ABAT: variants seen among roughly 807,000 people sequenced by gnomAD.
The protein encoded by ABAT is 4-aminobutyrate aminotransferase, mitochondrial.
In ABAT, 45 loss-of-function variants were observed where a neutral mutation model predicts 64.6. That is an observed-to-expected ratio of 0.70 (90% confidence interval 0.55 to 0.89). The LOEUF is 0.89. ABAT is among the 40% of genes least tolerant of loss of function. The pLI, the probability that ABAT is intolerant of heterozygous loss-of-function variation, is 0.00. For synonymous variants in ABAT, 297 were observed against 250.5 expected (o/e 1.19, Z -1.75); for missense variants, 633 against 658.4 (o/e 0.96, Z 0.42).
intron 5 of ABAT, among the ~76,000 whole-genome samples, chr16:8,756,985 G>A (rs1395320609): frequency 2.0e-5 from 3 of 152,138 alleles, no homozygotes; most frequent in Non-Finnish European, 4.4e-5. Flanking sequence ...AGGCATGCGG[G>A]TCACAGATTG....
chr16:8,735,457 G>A (rs909240322), intron 1 of ABAT, among the ~76,000 whole-genome samples: 2 of 152,100 alleles, frequency 1.3e-5, no homozygotes, highest in Non-Finnish European at 2.9e-5. Context: ...TTGCTATGCT[G>A]CCCAGACTAG....
At chr16:8,719,764 A>C (rs1186595384) in intron 1 of ABAT, among the ~76,000 whole-genome samples, 1 of 152,168 alleles carries the variant, frequency 6.6e-6, no homozygotes, top group Non-Finnish European at 1.5e-5. Context: ...AAGGAGGAGG[A>C]GGAGGAGAAG....
At chr16:8,731,173 T>C (rs528892583) in intron 1 of ABAT, among the ~76,000 whole-genome samples, 2 of 152,220 alleles carry the variant, frequency 1.3e-5, no homozygotes, top group Admixed American at 6.5e-5. Context: ...GTGTTGGCCA[T>C]GCTGATCTCG....
chr16:8,728,539 C>T (rs768850755), intron 1 of ABAT, among the ~76,000 whole-genome samples: 3 of 138,904 alleles, frequency 2.2e-5, no homozygotes, highest in Admixed American at 7.9e-5. Flanking sequence ...TGCATTGAGT[C>T]GGATATCCTG....
chr16:8,709,911 A>G (rs2058031688), intron 1 of ABAT, among the ~76,000 whole-genome samples: 2 of 151,374 alleles, frequency 1.3e-5, no homozygotes, highest in South Asian at 4.2e-4. Context: ...TTCTCAAGCC[A>G]TCCTCCCTCC....
At chr16:8,704,885 T>A (rs926152310) in intron 1 of ABAT, among the ~76,000 whole-genome samples, 4 of 152,116 alleles carry the variant, frequency 2.6e-5, no homozygotes, top group African/African-American at 9.7e-5. Context: ...GGGGTCTCAC[T>A]ATGTTGCCCA....
chr16:8,751,761 C>A (rs2059491816), intron 5 of ABAT, among the ~76,000 whole-genome samples: 2 of 152,128 alleles, frequency 1.3e-5, no homozygotes, highest in African/African-American at 4.8e-5. Flanking sequence ...CGGTGACCTG[C>A]CCAGTAAAAG....
chr16:8,689,101 C>G (rs914544166), intron 1 of ABAT, among the ~76,000 whole-genome samples: 1 of 150,500 alleles, frequency 6.6e-6, no homozygotes, highest in Non-Finnish European at 1.5e-5. Flanking sequence ...AAAAAAAGTT[C>G]AACGTCATTT....
At chr16:8,775,417 C>T (rs927151975) in intron 13 of ABAT, among the ~76,000 whole-genome samples, 4 of 152,174 alleles carry the variant, frequency 2.6e-5, no homozygotes, top group African/African-American at 9.7e-5. Flanking sequence ...TATTTTTATC[C>T]TCATTTGACT....
In ABAT at chr16:8,721,770, G is replaced by C. The variant is rs181523729; in HGVS notation, c.-41-13929G>C. 1.7e-3 allele frequency among the ~76,000 whole-genome samples: 252 copies of C among 152,254 alleles called. 8 individuals are homozygous for C. The highest frequency in any genetic ancestry group is 0.014 in the Admixed American group (221 of 15,294). ...TCTCACTTTTACTGATTTAAACATT[G>C]AACTCGGCCTCTTAGCTCATCTCGC... On this transcript the variant is annotated intron_variant, in intron 1 of 15. Transcript: ENST00000268251.
chr16:8,718,691 G>C (rs2085592583), intron 1 of ABAT, among the ~76,000 whole-genome samples: 1 of 152,172 alleles, frequency 6.6e-6, no homozygotes, highest in Admixed American at 6.6e-5. Context: ...CTCAGTCAGG[G>C]GGCAGGGTTT....
At chr16:8,748,755 G>A (rs916121192) in intron 4 of ABAT, among the ~76,000 whole-genome samples, 2 of 152,078 alleles carry the variant, frequency 1.3e-5, no homozygotes, top group African/African-American at 2.4e-5. Context: ...TTAGTGGATT[G>A]ACCCTTTATA....
chr16:8,761,901 A>C (rs2059807422), intron 6 of ABAT, among the ~76,000 whole-genome samples: 1 of 152,236 alleles, frequency 6.6e-6, no homozygotes, highest in African/African-American at 2.4e-5. Flanking sequence ...CTTCCTAAAA[A>C]TGAAACCATG....
At chr16:8,737,914 T>C (rs28495577) in intron 2 of ABAT, among the ~76,000 whole-genome samples, 78,145 of 94,658 alleles carry the variant, frequency 0.83, 32,174 homozygotes, top group East Asian at 0.87. Context: ...GGCAACAGAC[T>C]GAGATTAAAA....
At chr16:8,712,371 T>TA in intron 1 of ABAT, among the ~76,000 whole-genome samples, 1 of 152,360 alleles carries the variant, frequency 6.6e-6, no homozygotes, top group South Asian at 2.1e-4. Flanking sequence ...CAGGATGTGA[T>TA]AAAGCACATG....
At chr16:8,679,037 G>A (rs2057269628) in intron 1 of ABAT, among the ~76,000 whole-genome samples, 1 of 152,066 alleles carries the variant, frequency 6.6e-6, no homozygotes, top group Non-Finnish European at 1.5e-5. Context: ...GAGCAAAGTG[G>A]GCTGGCCACC....
intron 1 of ABAT, among the ~76,000 whole-genome samples, chr16:8,706,238 A>T (rs189276414): frequency 0.015 from 2,197 of 149,092 alleles, 46 homozygotes; most frequent in African/African-American, 0.045. Context: ...TATAAAAAAA[A>T]ATATATATAT....
chr16:8,769,090 C>T, intron 11 of ABAT, 117 bp downstream of exon 11: 1 of 1,428,626 alleles, frequency 7.0e-7, no homozygotes. Flanking sequence ...GTGCAGTGCT[C>T]CCCCAGAGGG....
chr16:8,683,407 G>C (rs1260872072), intron 1 of ABAT: 1 of 152,916 alleles, frequency 6.5e-6, no homozygotes, highest in African/African-American at 2.4e-5. Flanking sequence ...TGGGAGTGGA[G>C]GACCACCAGC....
Sources: gnomAD v4.1 joint callset for allele counts (sites outside exome capture counted in the v4.1 genomes callset) on GRCh38, gnomAD v4.1.1 for gene constraint, MANE v1.5 for transcripts, NCBI Gene and HGNC (gene_info 2026-07-23, HGNC 2026-07-21) for gene names.